The following BUD13 variants were observed in gnomAD, a reference collection of about 807,000 sequenced individuals.
BUD13 encodes BUD13 homolog.
Under a neutral mutation model 62.5 loss-of-function variants are expected in BUD13, and 47 were observed. That is an observed-to-expected ratio of 0.75 (90% CI 0.60 to 0.96). The LOEUF (loss-of-function observed/expected upper bound fraction) is 0.96. Ranked by LOEUF, BUD13 falls within the 40% of genes least tolerant of loss-of-function variation. The pLI is 0.00. For synonymous variants in BUD13, 293 were observed against 280.1 expected, an observed-to-expected ratio of 1.05 and a Z score of -0.46; for missense variants, 821 against 790.9, an observed-to-expected ratio of 1.04 and a Z score of -0.46.
In BUD13 at chr11:116,757,790, C is replaced by T; in HGVS notation, c.1660G>A (p.Ala554Thr). Reference protein sequence around the residue: ...PMANFIKKNKAKENKNKKVRP... With the variant: ...PMANFIKKNKTKENKNKKVRP... ...CCTTTTTTATTCTTGTTCTCCTTGGCCTTATTCTTCTTGATGAAGTTGGCC... is the reference window on the plus strand; with the variant it reads ...CCTTTTTTATTCTTGTTCTCCTTGGTCTTATTCTTCTTGATGAAGTTGGCC... The change falls in exon 8 of 10, where the codon GCC becomes ACC. Residue 554 changes from alanine to threonine, a missense_variant. Around this residue, in one of 2 missense-constraint regions of BUD13, gnomAD observed 800 missense variants for 739.2 expected, o/e 1.08. Coordinates refer to ENST00000260210, the MANE Select transcript of BUD13 (RefSeq NM_032725.4). 6.2e-7 allele frequency: 1 copy of T among 1,613,464 alleles called. No individual in the cohort carries two copies. Among genetic ancestry groups the T allele is most frequent in the South Asian group, 1.1e-5 (1 of 90,926 alleles).
intron 9 of BUD13, among the ~76,000 whole-genome samples, chr11:116,756,288 G>C (rs1429245823): frequency 2.0e-5 from 3 of 151,892 alleles, no homozygotes; most frequent in African/African-American, 7.3e-5. Flanking sequence ...GAAGTGGGCG[G>C]GTCACCTGAG....
At chr11:116,767,768 G>A (rs1254410079) in intron 2 of BUD13, among the ~76,000 whole-genome samples, 2 of 151,426 alleles carry the variant, frequency 1.3e-5, no homozygotes, top group Non-Finnish European at 2.9e-5. Flanking sequence ...GAGCCCAGGA[G>A]GTCAAGACCA....
In BUD13 at chr11:116,760,715, T is replaced by C; in HGVS notation, c.1254+20A>G. ...GAAGAGTCACACGAAAAGAAGGACA[T>C]GGCTCCTGAAAATCCTGACCTTCTT... is the stretch of plus-strand genomic sequence containing the variant. On this transcript the variant is annotated intron_variant, in intron 5 of 9. Coordinates refer to ENST00000260210, the MANE Select transcript of BUD13 (RefSeq NM_032725.4). 1 of 1,611,616 alleles carries C rather than the reference T, an allele frequency of 6.2e-7. No individual in the cohort carries two copies. The highest frequency in any genetic ancestry group is 8.5e-7 in the Non-Finnish European group (1 of 1,177,762).
At chr11:116,752,182 G>A (rs1420053044) in intron 9 of BUD13, among the ~76,000 whole-genome samples, 1 of 152,062 alleles carries the variant, frequency 6.6e-6, no homozygotes, top group African/African-American at 2.4e-5. Flanking sequence ...TCCTGACCTC[G>A]TGATCTGCCC....
chr11:116,768,072 G>C (rs554719918), intron 2 of BUD13, among the ~76,000 whole-genome samples: 5 of 151,848 alleles, frequency 3.3e-5, no homozygotes, highest in African/African-American at 1.2e-4. Context: ...CCTCTAGTGG[G>C]AGTGTAAATT....
At position 116,765,308 on chromosome 11, in the gene BUD13, A is replaced by C. The variant is rs112583642; in HGVS notation, c.322+54T>G. ...CTCTAAAGAAAAGTATAGAAAAGGA[A>C]AAAAGATCTCCCCTACTAATGGAAA... On this transcript the variant is annotated intron_variant, in intron 3 of 9. Coordinates refer to ENST00000260210, the MANE Select transcript of BUD13 (RefSeq NM_032725.4). The C allele has an allele frequency of 1.6e-4, 251 of 1,564,332 alleles. 1 individual carries two copies. In the African/African-American group the frequency reaches 2.4e-3, roughly 15 times the overall value.
intron 5 of BUD13, 68 bp downstream of exon 5, chr11:116,760,667 G>T: frequency 6.7e-7 from 1 of 1,493,892 alleles, no homozygotes; most frequent in Non-Finnish European, 9.3e-7. Flanking sequence ...TTGATTCTCT[G>T]GGACATATAT....
At position 116,772,804 on chromosome 11, in the gene BUD13, C is replaced by T. The variant is rs1470661424; in HGVS notation, c.143+18G>A. On this transcript the variant is annotated intron_variant, in intron 1 of 9. Transcript: ENST00000260210. ...TGGCTAGACGTCGCAGGCCCCGCCC[C>T]GGCCGGTACCAACTCACCCCTTGCC... 3 of 1,539,084 alleles carry T rather than the reference C, an allele frequency of 1.9e-6. No homozygotes were observed. The highest frequency in any genetic ancestry group is 1.9e-5 in the Admixed American group (1 of 52,788).
In BUD13 at chr11:116,760,804, C is replaced by T. The variant is rs1255094118; in HGVS notation, c.1185G>A (p.Arg395=). Residue 395 remains arginine (R), a synonymous_variant, in exon 5 of 10, where the codon AGG becomes AGA. Transcript: ENST00000260210. ...AATCAGAAGATTTGGTCCTCTGTCT[C>T]CTCCTTGGTGGAGAGAGGTCAGAAT... is the stretch of plus-strand genomic sequence containing the variant. ...SSDSDLSPPR[R]RQRTKSSDSD... 2 of 1,614,062 alleles carry T rather than the reference C, an allele frequency of 1.2e-6. No homozygotes were observed. The highest frequency in any genetic ancestry group is 1.3e-5 in the African/African-American group (1 of 74,924).
rs755913226 is a variant in BUD13 at position 116,757,787 on chromosome 11, T to C, written c.1663A>G (p.Lys555Glu). 1.4e-5 allele frequency: 22 copies of C among 1,612,784 alleles called. No individual in the cohort carries two copies. Among genetic ancestry groups the C allele is most frequent in the Non-Finnish European group, 1.8e-5 (21 of 1,179,678 alleles). ...CCACCTTTTTTATTCTTGTTCTCCT[T>C]GGCCTTATTCTTCTTGATGAAGTTG... ...MANFIKKNKA[K>E]ENKNKKVRPR... The change falls in exon 8 of 10, where the codon AAG becomes GAG. Residue 555 changes from lysine (K) to glutamate (E), a missense_variant. Lys to Glu is a moderately conservative substitution (Grantham distance 56). Transcript: ENST00000260210.
Position 116,760,963 on chromosome 11 carries a change from G to A in BUD13, c.1037-11C>T, listed in dbSNP as rs766043963. ...CTTTCTGGCAGTCACCTGGATAGGA[G>A]CAAAGAATCTGTGTGACTCTGATGT... On this transcript the variant is annotated splice_polypyrimidine_tract_variant and intron_variant, in intron 4 of 9. Transcript: ENST00000260210. The A allele has an allele frequency of 1.2e-6, 2 of 1,612,096 alleles. No homozygotes were observed. Among genetic ancestry groups the A allele is most frequent in the Non-Finnish European group, 1.7e-6 (2 of 1,178,290 alleles).
At chr11:116,763,905 C>T (rs1158607119) in intron 3 of BUD13, among the ~76,000 whole-genome samples, 1 of 152,236 alleles carries the variant, frequency 6.6e-6, no homozygotes, top group Non-Finnish European at 1.5e-5. Context: ...CAATCACCTA[C>T]TGTGTGCCAG....
rs764854161 is a variant in BUD13, at chr11:116,748,493, C to T, written c.1849G>A (p.Glu617Lys). The T allele has an allele frequency of 8.7e-6, 14 of 1,614,128 alleles. No homozygotes were observed. In the African/African-American group the frequency reaches 1.9e-4, roughly 22 times the overall value. Residue 617 changes from glutamate to lysine, a missense_variant, in exon 10 of 10, where the codon GAG (glutamate) becomes AAG (lysine). Glu to Lys is a moderately conservative substitution (Grantham distance 56). Coordinates refer to ENST00000260210, the MANE Select transcript of BUD13 (RefSeq NM_032725.4). ...CAGCCTCAGGAAAGTTACATATCCT[C>T]AACACTCCATTTGTAGGCAAGTTCC... ...VEELAYKWSV[E>K]DM
chr11:116,764,349 T>C (rs903739462), intron 3 of BUD13, among the ~76,000 whole-genome samples: 3 of 152,178 alleles, frequency 2.0e-5, no homozygotes, highest in African/African-American at 7.2e-5. Flanking sequence ...CCCTATCTGA[T>C]TGGAATCCAC....
chr11:116,758,437 G>C, intron 6 of BUD13, 30 bp from the exon 7 acceptor site: 2 of 1,610,288 alleles, frequency 1.2e-6, no homozygotes, highest in Non-Finnish European at 1.7e-6. Flanking sequence ...TCAAATATCA[G>C]GATCAAAATC....
intron 2 of BUD13, 69 bp downstream of exon 2, chr11:116,770,060 A>C: frequency 8.6e-7 from 1 of 1,167,290 alleles, no homozygotes; most frequent in Non-Finnish European, 1.2e-6. Flanking sequence ...CCGTCTCAAA[A>C]AAAAAAAAAA....
chr11:116,770,666 T>C (rs1322406987), intron 1 of BUD13, among the ~76,000 whole-genome samples: 2 of 152,108 alleles, frequency 1.3e-5, no homozygotes, highest in Non-Finnish European at 2.9e-5. Context: ...GGCTAATTTT[T>C]TGTATTTTTA....
chr11:116,764,926 T>C (rs1940502611), intron 3 of BUD13, among the ~76,000 whole-genome samples: 1 of 152,136 alleles, frequency 6.6e-6, no homozygotes, highest in Admixed American at 6.5e-5. Context: ...GAGAGAAATT[T>C]ACTAACACAA....
Position 116,755,329 on chromosome 11 carries a change from T to C in BUD13, c.1766+1817A>G, listed in dbSNP as rs531681797. On this transcript the variant is annotated intron_variant, in intron 9 of 9. Transcript: ENST00000260210. ...GGAAGTGATGTTAACAAAAGTGATTTTCTGATATTGTATAGTGGAAATATG... is the reference window on the plus strand; with the variant it reads ...GGAAGTGATGTTAACAAAAGTGATTCTCTGATATTGTATAGTGGAAATATG... 7.2e-5 allele frequency among the ~76,000 whole-genome samples: 11 copies of C among 152,358 alleles called. No individual in the cohort carries two copies. In the South Asian group the frequency reaches 1.9e-3, roughly 26 times the overall value.
Sources: allele counts gnomAD v4.1 joint callset (sites outside exome capture counted in the v4.1 genomes callset), GRCh38; gene constraint gnomAD v4.1.1; regional missense constraint gnomAD v4.1.1; transcripts MANE v1.5; gene names NCBI Gene and HGNC (gene_info 2026-07-23, HGNC 2026-07-21).